Variants in TIMM23B observed in about 807,000 individuals in gnomAD.
TIMM23B encodes the protein translocase of inner mitochondrial membrane 23 homolog B, also known as mitochondrial import inner membrane translocase subunit Tim23B.
Under a neutral mutation model 27.3 loss-of-function variants are expected in TIMM23B, and 27 were observed. That is an observed-to-expected ratio of 0.99 (90% CI 0.73 to 1.36). TIMM23B has a LOEUF of 1.36. Among genes scored for constraint, TIMM23B ranks in the 40% most tolerant of loss-of-function variants. The pLI is 0.00. For missense variants in TIMM23B, 205 were observed against 244.2 expected, an observed-to-expected ratio of 0.84 and a Z score of 1.07; for synonymous variants, 73 against 92.4, an observed-to-expected ratio of 0.79 and a Z score of 1.21.
chr10:49,954,301 C>A, intron 4 of TIMM23B: 1 of 452,224 alleles, frequency 2.2e-6, no homozygotes, highest in South Asian at 1.7e-5. Flanking sequence ...CATCCAGTTG[C>A]CTCCATCACT....
At chr10:49,965,634 A>G (rs2132052330) in intron 6 of TIMM23B, among the ~76,000 whole-genome samples, 1 of 151,566 alleles carries the variant, frequency 6.6e-6, no homozygotes, top group Admixed American at 6.6e-5. Flanking sequence ...AGACTGGGCG[A>G]TAGAGCGAGT....
chr10:49,966,565 C>A (rs1478895234), intron 6 of TIMM23B, among the ~76,000 whole-genome samples: 49 of 152,122 alleles, frequency 3.2e-4, no homozygotes, highest in Non-Finnish European at 5.4e-4. Flanking sequence ...GTGGCTCACA[C>A]CTGTAATCCT....
chr10:49,946,475 G>A (rs1306133176), intron 2 of TIMM23B, among the ~76,000 whole-genome samples: 2 of 152,130 alleles, frequency 1.3e-5, no homozygotes, highest in African/African-American at 4.8e-5. Context: ...ACAAAAATCT[G>A]TTAAAACTAA....
In TIMM23B at chr10:49,945,048, T is replaced by C. The variant is rs2133047082; in HGVS notation, c.123T>C (p.Pro41=). The C allele has an allele frequency of 5.0e-6, 8 of 1,598,352 alleles. No homozygotes were observed. The East Asian group carries it at 1.8e-4, about 36-fold the overall frequency. ...TCTCTCTAGTAACTGGTATGAACCC[T>C]CTGTGTCCTTATTTAAATGTGGATC... ...LAGVPLTGMN[P]LCPYLNVDPR... The change falls in exon 2 of 7, where the codon CCT becomes CCC. Residue 41 remains proline, a synonymous_variant. Transcript: ENST00000651259.
In TIMM23B at chr10:49,973,042, G is replaced by T. The variant is rs1231937172; in HGVS notation, c.545G>T (p.Cys182Phe). ...VSEMALDSPF[C>F]VLLSGS ...GAGATGGCTTTGGATTCCCCGTTCT[G>T]TGTGCTGCTGTCTGGCTCCTGAACC... is the stretch of plus-strand genomic sequence containing the variant. The change falls in exon 7 of 7, where the codon TGT (cysteine) becomes TTT (phenylalanine). Residue 182 changes from cysteine to phenylalanine, a missense_variant. Physicochemically the swap from Cys to Phe is radical, Grantham distance 205. Coordinates refer to ENST00000651259, the MANE Select transcript of TIMM23B (RefSeq NM_001290117.2). 1 of 1,533,014 alleles carries T rather than the reference G, an allele frequency of 6.5e-7. No individual in the cohort carries two copies. The highest frequency in any genetic ancestry group is 1.4e-5 in the African/African-American group (1 of 72,558). 95.0% of individuals were successfully genotyped at this position (1,533,014 alleles called of 1,614,324 possible). A position where few individuals can be genotyped will look rare whatever the true frequency, so the allele number is the denominator to read the frequency against.
At chr10:49,948,680 GTAGAT>G (rs1471819101) in intron 2 of TIMM23B, among the ~76,000 whole-genome samples, 1 of 152,224 alleles carries the variant, frequency 6.6e-6, no homozygotes, top group Non-Finnish European at 1.5e-5. Flanking sequence ...GGACAAGAAA[GTAGAT>G]TAGTAGCTGC....
intron 2 of TIMM23B, among the ~76,000 whole-genome samples, chr10:49,948,041 CATT>C (rs1224588224): frequency 8.5e-5 from 13 of 152,160 alleles, no homozygotes; most frequent in Non-Finnish European, 1.5e-4. Context: ...ACTCTTGAAA[CATT>C]AATAAAAATA....
chr10:49,956,283 C>T lies in TIMM23B; in HGVS notation c.403+1223C>T, dbSNP rs1475622294. 5.3e-5 allele frequency among the ~76,000 whole-genome samples: 8 copies of T among 151,860 alleles called. No homozygotes were observed. In the South Asian group the frequency reaches 1.5e-3, roughly 28 times the overall value. ...TTTGAGAAAGAGTTTAAAAGTTTAA[C>T]GTTCATTCCAGATAGGAATCTGCAA... On this transcript the variant is annotated intron_variant, in intron 5 of 6. Coordinates refer to ENST00000651259, the MANE Select transcript of TIMM23B (RefSeq NM_001290117.2).
chr10:49,961,394 A>AG (rs1370616855), intron 6 of TIMM23B, among the ~76,000 whole-genome samples: 5 of 151,660 alleles, frequency 3.3e-5, no homozygotes, highest in African/African-American at 1.2e-4. Flanking sequence ...AAAAAAAAAA[A>AG]AAAAAAGAAA....
chr10:49,948,723 C>A (rs1326881292), intron 2 of TIMM23B, among the ~76,000 whole-genome samples: 6 of 152,158 alleles, frequency 3.9e-5, no homozygotes, highest in Non-Finnish European at 8.8e-5. Flanking sequence ...TGGGCAGTGA[C>A]TGCTAATGGG....
chr10:49,945,478 TC>T (rs1226651629), intron 2 of TIMM23B, among the ~76,000 whole-genome samples: 48 of 152,254 alleles, frequency 3.2e-4, no homozygotes, highest in Non-Finnish European at 6.5e-4. Flanking sequence ...CCTCCCAAAT[TC>T]AGGCCATCGT....
chr10:49,956,484 A>T (rs1207067843), intron 5 of TIMM23B, among the ~76,000 whole-genome samples: 1 of 136,962 alleles, frequency 7.3e-6, no homozygotes, highest in Non-Finnish European at 1.6e-5. Flanking sequence ...TGTGTCTTCA[A>T]TCCGAAGTAC....
chr10:49,945,094 A>G lies in TIMM23B; in HGVS notation c.165+4A>G. 1 of 1,611,620 alleles carries G rather than the reference A, an allele frequency of 6.2e-7. No homozygotes were observed. The highest frequency in any genetic ancestry group is 8.5e-7 in the Non-Finnish European group (1 of 1,178,516). ...GGATCCACGATACCTCGTGCAGGTA[A>G]GACTAAGATTTTACTAGTTTGGTGC... On this transcript the variant is annotated splice_donor_region_variant and intron_variant, in intron 2 of 6. Transcript: ENST00000651259.
chr10:49,959,213 T>A, intron 6 of TIMM23B, among the ~76,000 whole-genome samples: 1 of 152,218 alleles, frequency 6.6e-6, no homozygotes, highest in African/African-American at 2.4e-5. Context: ...CATTTTAGTT[T>A]AGTTTTTTTA....
intron 5 of TIMM23B, among the ~76,000 whole-genome samples, chr10:49,957,958 TG>T (rs1839780643): frequency 6.6e-6 from 1 of 152,136 alleles, no homozygotes; most frequent in Admixed American, 6.6e-5. Flanking sequence ...TCTTCTGAAA[TG>T]GGGGTCTTAC....
chr10:49,960,416 C>T (rs1263030531), intron 6 of TIMM23B, among the ~76,000 whole-genome samples: 3 of 150,528 alleles, frequency 2.0e-5, no homozygotes, highest in Non-Finnish European at 4.4e-5. Flanking sequence ...TTTTTCTTGA[C>T]TTTTCAGTCT....
At chr10:49,945,003 T>C in intron 1 of TIMM23B, 29 bp from the exon 2 acceptor site, 1 of 1,563,136 alleles carries the variant, frequency 6.4e-7, no homozygotes. Flanking sequence ...AGAATTTTGT[T>C]GCAATGTGAC....
At chr10:49,971,028 C>G (rs1397815624) in intron 6 of TIMM23B, among the ~76,000 whole-genome samples, 1 of 152,048 alleles carries the variant, frequency 6.6e-6, no homozygotes, top group African/African-American at 2.4e-5. Context: ...ATGACCTTAC[C>G]CCCAACCCGG....
Position 49,942,084 on chromosome 10 carries a change from T to G in TIMM23B, c.-111T>G. 1.5e-6 allele frequency: 2 copies of G among 1,337,532 alleles called. No individual in the cohort carries two copies. The highest frequency in any genetic ancestry group is 2.0e-6 in the Non-Finnish European group (2 of 989,520). 82.9% of individuals were successfully genotyped at this position (1,337,532 alleles called of 1,614,324 possible). On this transcript the variant is annotated 5_prime_UTR_variant, in exon 1 of 7. Transcript: ENST00000651259. ...AACCGGCGCCCGGAATGTCAGCGTG[T>G]GAAGTAGGCGCTGGCAACGCGGGGT... is the stretch of plus-strand genomic sequence containing the variant.
Sources: allele counts gnomAD v4.1 joint callset (sites outside exome capture counted in the v4.1 genomes callset), GRCh38; gene constraint gnomAD v4.1.1; transcripts MANE v1.5; gene names NCBI Gene and HGNC (gene_info 2026-07-23, HGNC 2026-07-21).